The following CRTAC1 variants were observed in gnomAD, a reference collection of about 807,000 sequenced individuals.
CRTAC1 encodes the protein cartilage acidic protein 1, also known as acidic secreted protein in cartilage.
A neutral mutation model predicts 67.8 loss-of-function variants in CRTAC1; 37 were observed. The observed-to-expected ratio is 0.55, with a 90% CI of 0.42 to 0.72. CRTAC1 has a LOEUF of 0.72. CRTAC1 is among the 30% of genes least tolerant of loss of function. The pLI, the probability that CRTAC1 is intolerant of heterozygous loss-of-function variation, is 0.00. For synonymous variants in CRTAC1, 348 were observed against 371.0 expected, an observed-to-expected ratio of 0.94 and a Z score of 0.71; for missense variants, 780 against 931.6, an observed-to-expected ratio of 0.84 and a Z score of 2.12.
chr10:97,895,938 A>T lies in CRTAC1; in HGVS notation c.1264T>A (p.Leu422Met). ...TGAGCCATGGACTCTCCATGGGACA[A>T]GATGAGGTCCAGCATCCCGTCTCCG... ...FDGDGMLDLI[L>M]SHGESMAQPL... The change falls in exon 10 of 15, where the codon TTG becomes ATG. Residue 422 changes from leucine (L) to methionine (M), a missense_variant. Transcript: ENST00000370597. The surrounding 1 kb of genome is among the most constrained non-coding windows in gnomAD (Gnocchi z 4.2). 2 of 1,614,162 alleles carry T rather than the reference A, an allele frequency of 1.2e-6. No homozygotes were observed. The highest frequency in any genetic ancestry group is 1.7e-6 in the Non-Finnish European group (2 of 1,180,010).
At chr10:97,922,316 C>T (rs2050852377) in intron 4 of CRTAC1, among the ~76,000 whole-genome samples, 1 of 152,208 alleles carries the variant, frequency 6.6e-6, no homozygotes, top group African/African-American at 2.4e-5. Flanking sequence ...ATACCTGGCA[C>T]CTGCCTTCTC....
intron 2 of CRTAC1, among the ~76,000 whole-genome samples, chr10:97,995,620 G>C (rs1424060867): frequency 6.6e-6 from 1 of 152,094 alleles, no homozygotes; most frequent in African/African-American, 2.4e-5. Context: ...CAAACTTAAG[G>C]AAAATCTCCA....
At chr10:97,989,048 C>T (rs186194986) in intron 2 of CRTAC1, among the ~76,000 whole-genome samples, 29 of 152,308 alleles carry the variant, frequency 1.9e-4, no homozygotes, top group African/African-American at 5.8e-4. Context: ...CCCCTCATCC[C>T]CTGCCTCACT....
chr10:97,946,234 T>C (rs1271061564), intron 2 of CRTAC1, among the ~76,000 whole-genome samples: 1 of 152,236 alleles, frequency 6.6e-6, no homozygotes. Flanking sequence ...GTGAACTAGT[T>C]GAGAAATGTA....
chr10:97,961,052 C>T (rs1461036335), intron 2 of CRTAC1, among the ~76,000 whole-genome samples: 1 of 152,182 alleles, frequency 6.6e-6, no homozygotes, highest in Non-Finnish European at 1.5e-5. Context: ...ACCATCGTGT[C>T]ATTGTGTGCA....
At chr10:98,018,879 AC>A in intron 1 of CRTAC1, among the ~76,000 whole-genome samples, 1 of 152,234 alleles carries the variant, frequency 6.6e-6, no homozygotes, top group East Asian at 1.9e-4. Context: ...AGCTCCTGGA[AC>A]TCAAGCAACA....
chr10:97,954,348 A>G (rs926241321), intron 2 of CRTAC1, among the ~76,000 whole-genome samples: 3 of 152,028 alleles, frequency 2.0e-5, no homozygotes, highest in African/African-American at 7.2e-5. Flanking sequence ...CCATCATTAG[A>G]CTCCACAGAT....
intron 3 of CRTAC1, among the ~76,000 whole-genome samples, chr10:97,929,762 A>G (rs556994863): frequency 6.6e-6 from 1 of 152,366 alleles, no homozygotes; most frequent in South Asian, 2.1e-4. Context: ...TAAATAAATA[A>G]TAACAACACC....
chr10:97,999,539 T>C lies in CRTAC1; in HGVS notation c.224+11599A>G, dbSNP rs1048875516. On this transcript the variant is annotated intron_variant, in intron 2 of 14. Transcript: ENST00000370597. The stretch of plus-strand genomic sequence containing the variant: ...CAAAGGGGTGCTGAGGGCAGCTTAG[T>C]GCAGGCCTGCAAATGCCCCTTGGCA... Among the ~76,000 whole-genome samples, 7 of 152,154 alleles carry C rather than the reference T, an allele frequency of 4.6e-5. No individual in the cohort carries two copies. The East Asian group carries it at 1.3e-3, about 29-fold the overall frequency.
At chr10:97,959,987 A>G (rs1447348504) in intron 2 of CRTAC1, among the ~76,000 whole-genome samples, 1 of 152,274 alleles carries the variant, frequency 6.6e-6, no homozygotes, top group Non-Finnish European at 1.5e-5. Context: ...GGCTGGCCCC[A>G]TAGGCACACT....
At chr10:97,931,700 T>C (rs1286961883) in intron 3 of CRTAC1, among the ~76,000 whole-genome samples, 1 of 152,200 alleles carries the variant, frequency 6.6e-6, no homozygotes, top group Non-Finnish European at 1.5e-5. Context: ...GAAAGTACGG[T>C]AGTGGTGGGG....
At chr10:97,890,522 G>C (rs2050354518) in intron 11 of CRTAC1, among the ~76,000 whole-genome samples, 1 of 152,178 alleles carries the variant, frequency 6.6e-6, no homozygotes, top group Non-Finnish European at 1.5e-5. Flanking sequence ...GTGTTCCTGT[G>C]TATATGACAC....
Position 98,002,603 on chromosome 10 carries a change from C to T in CRTAC1, c.224+8535G>A, listed in dbSNP as rs76243190. Among the ~76,000 whole-genome samples the T allele has an allele frequency of 4.0e-3, 608 of 152,004 alleles. 28 individuals are homozygous for T. In the East Asian group the frequency reaches 0.095, roughly 24 times the overall value. On this transcript the variant is annotated intron_variant, in intron 2 of 14. Transcript: ENST00000370597. ...CCTCACCCAATTTGGGTGTGTTTGTCCCACCAAAGACAGTGAGATCTTTCA... is the reference window on the plus strand; with the variant it reads ...CCTCACCCAATTTGGGTGTGTTTGTTCCACCAAAGACAGTGAGATCTTTCA...
intron 2 of CRTAC1, among the ~76,000 whole-genome samples, chr10:97,977,407 G>T (rs554297029): frequency 6.6e-6 from 1 of 152,296 alleles, no homozygotes; most frequent in South Asian, 2.1e-4. Flanking sequence ...TTCTTTTTAG[G>T]ACCAGCTCTG....
At chr10:97,870,076 G>A (rs1294589343) in intron 14 of CRTAC1, 2 of 152,202 alleles carry the variant, frequency 1.3e-5, no homozygotes, top group African/African-American at 2.4e-5. Context: ...GTTTAGACCC[G>A]AGGCGTTCAA....
At chr10:97,967,396 C>G (rs966928164) in intron 2 of CRTAC1, among the ~76,000 whole-genome samples, 13 of 152,148 alleles carry the variant, frequency 8.5e-5, no homozygotes, top group African/African-American at 2.9e-4. Context: ...TTTCTTGTCC[C>G]ATTCCTAGAA....
At chr10:98,028,599 C>G (rs1254331526) in intron 1 of CRTAC1, among the ~76,000 whole-genome samples, 2 of 152,152 alleles carry the variant, frequency 1.3e-5, no homozygotes, top group Non-Finnish European at 2.9e-5. Flanking sequence ...AACCAAACAT[C>G]AAGGTACCAA....
intron 8 of CRTAC1, among the ~76,000 whole-genome samples, chr10:97,898,847 G>A (rs949766674): frequency 9.9e-5 from 15 of 152,180 alleles, no homozygotes; most frequent in Non-Finnish European, 1.9e-4. Flanking sequence ...TGGCCTAGGA[G>A]TGTCCTTGTT....
rs1338658098 is a variant in CRTAC1, at chr10:97,918,017, T to C, written c.559-361A>G. Among the ~76,000 whole-genome samples, 3 of 152,154 alleles carry C rather than the reference T, an allele frequency of 2.0e-5. No individual in the cohort carries two copies. The East Asian group carries it at 5.8e-4, about 29-fold the overall frequency. The stretch of plus-strand genomic sequence containing the variant: ...GCTGCCAGCCAGGGTAGCTGCTCAA[T>C]AAATATTTGCTGATTGATTGATCTA... On this transcript the variant is annotated intron_variant, in intron 4 of 14. Transcript: ENST00000370597.
Sources: gnomAD v4.1 joint callset for allele counts (sites outside exome capture counted in the v4.1 genomes callset) on GRCh38, gnomAD v4.1.1 for gene constraint, Gnocchi (gnomAD v3.1) non-coding constraint, MANE v1.5 for transcripts, NCBI Gene and HGNC (gene_info 2026-07-23, HGNC 2026-07-21) for gene names.